The following MEI4 variants were observed in gnomAD, a reference collection of about 807,000 sequenced individuals.
MEI4 encodes meiotic double-stranded break formation protein 4.
Under a neutral mutation model 31.4 loss-of-function variants are expected in MEI4, and 27 were observed. The observed-to-expected ratio is 0.86, with a 90% CI of 0.63 to 1.19. The LOEUF (loss-of-function observed/expected upper bound fraction) is 1.19. Among genes scored for constraint, MEI4 ranks in the 50% most tolerant of loss-of-function variants. The pLI, the probability that MEI4 is intolerant of heterozygous loss-of-function variation, is 0.00. For synonymous variants in MEI4, 122 were observed against 145.4 expected (o/e 0.84, Z 1.16); for missense variants, 329 against 398.9 (o/e 0.82, Z 1.49).
intron 3 of MEI4, among the ~76,000 whole-genome samples, chr6:77,804,547 A>G (rs1050762410): frequency 2.0e-5 from 3 of 152,176 alleles, no homozygotes; most frequent in African/African-American, 4.8e-5. Flanking sequence ...TATTTCGCTC[A>G]CGCTGGGATC....
At chr6:77,877,973 T>G (rs536241580) in intron 4 of MEI4, among the ~76,000 whole-genome samples, 1 of 152,188 alleles carries the variant, frequency 6.6e-6, no homozygotes, top group Non-Finnish European at 1.5e-5. Context: ...TTGAACCTGA[T>G]GAAAATAGAT....
At chr6:77,768,656 T>C (rs2127685633) in intron 3 of MEI4, among the ~76,000 whole-genome samples, 2 of 150,296 alleles carry the variant, frequency 1.3e-5, no homozygotes, top group East Asian at 4.0e-4. Flanking sequence ...GCTGAGATCA[T>C]GTCACTGCAC....
chr6:77,891,458 T>G (rs771212205), intron 4 of MEI4, among the ~76,000 whole-genome samples: 11 of 152,192 alleles, frequency 7.2e-5, no homozygotes, highest in Non-Finnish European at 1.3e-4. Flanking sequence ...TTCCAGTATT[T>G]CAGTTTGATT....
chr6:77,903,343 G>T (rs1174694781), intron 4 of MEI4, among the ~76,000 whole-genome samples: 1 of 152,024 alleles, frequency 6.6e-6, no homozygotes, highest in Non-Finnish European at 1.5e-5. Context: ...TTAATTATGT[G>T]TGATAGTCAG....
intron 4 of MEI4, among the ~76,000 whole-genome samples, chr6:77,912,774 C>T (rs1766460610): frequency 6.6e-6 from 1 of 152,054 alleles, no homozygotes; most frequent in African/African-American, 2.4e-5. Context: ...TTCCTCTTTT[C>T]CAATTTGGAT....
intron 2 of MEI4, among the ~76,000 whole-genome samples, chr6:77,706,001 T>C (rs955644853): frequency 1.3e-5 from 2 of 152,126 alleles, no homozygotes; most frequent in African/African-American, 4.8e-5. Context: ...GTATGCTGAG[T>C]ACTTCGAACT....
chr6:77,680,772 G>A (rs777033682), intron 1 of MEI4, among the ~76,000 whole-genome samples: 14 of 152,116 alleles, frequency 9.2e-5, no homozygotes, highest in Non-Finnish European at 1.9e-4. Flanking sequence ...GTAAAATGGA[G>A]CCCTGAGAGA....
chr6:77,874,354 T>A (rs923241361), intron 4 of MEI4, among the ~76,000 whole-genome samples: 6 of 152,192 alleles, frequency 3.9e-5, no homozygotes, highest in Non-Finnish European at 8.8e-5. Flanking sequence ...GGTATTTTAT[T>A]CTCTTTGAAG....
At chr6:77,841,333 A>ATATATTTTTTTTTTTTTTTTTTT in intron 4 of MEI4, among the ~76,000 whole-genome samples, 1 of 27,748 alleles carries the variant, frequency 3.6e-5, no homozygotes, top group African/African-American at 3.3e-4. Flanking sequence ...ATATATATAT[A>ATATATTTTTTTTTTTTTTTTTTT]TTTTTTTTTT....
intron 1 of MEI4, among the ~76,000 whole-genome samples, chr6:77,672,795 C>T (rs1768770997): frequency 6.6e-6 from 1 of 152,220 alleles, no homozygotes; most frequent in Admixed American, 6.5e-5. Context: ...GCCTCAGTCT[C>T]CCAAAGTGCT....
chr6:77,912,355 C>T (rs377325326), intron 4 of MEI4, among the ~76,000 whole-genome samples: 13 of 151,856 alleles, frequency 8.6e-5, no homozygotes, highest in South Asian at 2.1e-4. Flanking sequence ...TCTATTTATA[C>T]GAAAAATGAT....
chr6:77,919,306 C>G (rs985596732), intron 4 of MEI4, among the ~76,000 whole-genome samples: 1 of 152,040 alleles, frequency 6.6e-6, no homozygotes, highest in Non-Finnish European at 1.5e-5. Context: ...ATCTCTCAGA[C>G]CACAATGCAA....
intron 1 of MEI4, 82 bp from the exon 2 acceptor site, chr6:77,690,576 C>T (rs1406167822): frequency 3.3e-6 from 2 of 601,730 alleles, no homozygotes; most frequent in Non-Finnish European, 4.8e-6. Flanking sequence ...TAATGTTACT[C>T]TGCAAAATCA....
intron 4 of MEI4, among the ~76,000 whole-genome samples, chr6:77,888,894 G>A (rs1346346296): frequency 6.6e-6 from 1 of 152,106 alleles, no homozygotes; most frequent in Non-Finnish European, 1.5e-5. Flanking sequence ...ATTCTCATGA[G>A]ATCTGATGGC....
At chr6:77,802,037 G>T (rs1167697472) in intron 3 of MEI4, among the ~76,000 whole-genome samples, 2 of 152,102 alleles carry the variant, frequency 1.3e-5, no homozygotes, top group Non-Finnish European at 2.9e-5. Flanking sequence ...TTAACTTTCT[G>T]TCTCGTTGAT....
Position 77,897,485 on chromosome 6 carries a change from TAA to T in MEI4, c.901-25603_901-25602del, listed in dbSNP as rs370177185. On this transcript the variant is annotated intron_variant, in intron 4 of 4. Coordinates refer to ENST00000684080, the MANE Select transcript of MEI4 (RefSeq NM_001322247.2). ...TAATGAGAAAATAATTATTTTTAAA[TAA>T]GTCATATAATGACAATTTTTTAAAA... 4.3e-3 allele frequency among the ~76,000 whole-genome samples: 630 copies of T among 146,866 alleles called. 3 individuals are homozygous for T. Among genetic ancestry groups the T allele is most frequent in the African/African-American group, 0.015 (604 of 39,400 alleles).
intron 2 of MEI4, among the ~76,000 whole-genome samples, chr6:77,731,603 C>T (rs1409263850): frequency 3.3e-5 from 5 of 151,446 alleles, no homozygotes; most frequent in East Asian, 3.9e-4. Context: ...ATGGTAGTTT[C>T]TTTTGCTGTG....
At chr6:77,772,710 C>A (rs1015037824) in intron 3 of MEI4, among the ~76,000 whole-genome samples, 4 of 151,964 alleles carry the variant, frequency 2.6e-5, no homozygotes, top group Non-Finnish European at 5.9e-5. Context: ...CTAGCTAGAA[C>A]AATCAGACAA....
rs982619488 is a variant in MEI4 at position 77,926,882 on chromosome 6, G to C, written c.*3536G>C. 6.6e-5 allele frequency: 10 copies of C among 151,730 alleles called. No individual in the cohort carries two copies. In the East Asian group the frequency reaches 1.8e-3, roughly 27 times the overall value. 9.4% of individuals were successfully genotyped at this position (151,730 alleles called of 1,614,324 possible). On this transcript the variant is annotated 3_prime_UTR_variant, in exon 5 of 5. Transcript: ENST00000684080. The stretch of plus-strand genomic sequence containing the variant: ...TTATCTAATATTGAAAAAATATATA[G>C]GATTTTATTATTGTTAAAAGTTAAT...
Sources: allele counts gnomAD v4.1 joint callset (sites outside exome capture counted in the v4.1 genomes callset), GRCh38; gene constraint gnomAD v4.1.1; transcripts MANE v1.5; gene names NCBI Gene and HGNC (gene_info 2026-07-23, HGNC 2026-07-21).